The following RYR2 variants were observed in gnomAD, a reference collection of about 807,000 sequenced individuals.
RYR2 encodes cardiac muscle ryanodine receptor-calcium release channel.
A neutral mutation model predicts 601.1 loss-of-function variants in RYR2; 227 were observed. The observed-to-expected ratio is 0.38, with a 90% CI of 0.34 to 0.42. The LOEUF (loss-of-function observed/expected upper bound fraction) is 0.42. RYR2 is among the 10% of genes least tolerant of loss of function. The pLI, the probability that RYR2 is intolerant of heterozygous loss-of-function variation, is 1.00. For missense variants in RYR2, 4,646 were observed against 6,156.5 expected, an observed-to-expected ratio of 0.75 and a Z score of 8.21; for synonymous variants, 2,223 against 2,175.1, an observed-to-expected ratio of 1.02 and a Z score of -0.61.
At chr1:237,558,568 A>T (rs1671139249) in intron 27 of RYR2, among the ~76,000 whole-genome samples, 1 of 152,250 alleles carries the variant, frequency 6.6e-6, no homozygotes, top group East Asian at 1.9e-4. Flanking sequence ...GAACAGTTTG[A>T]TTATGATGTG....
intron 54 of RYR2, among the ~76,000 whole-genome samples, chr1:237,659,143 T>C (rs1683530587): frequency 6.6e-6 from 1 of 152,216 alleles, no homozygotes; most frequent in Non-Finnish European, 1.5e-5. Context: ...AAGATCATCA[T>C]GCTGGAGATG....
intron 1 of RYR2, among the ~76,000 whole-genome samples, chr1:237,133,563 TA>T (rs1335868722): frequency 6.6e-6 from 1 of 152,178 alleles, no homozygotes; most frequent in East Asian, 1.9e-4. Flanking sequence ...AGAAAACATA[TA>T]GATACTGTAT....
At chr1:237,684,409 A>G (rs1195103195) in intron 62 of RYR2, among the ~76,000 whole-genome samples, 1 of 152,134 alleles carries the variant, frequency 6.6e-6, no homozygotes, top group African/African-American at 2.4e-5. Context: ...GTGTCAGTGG[A>G]GACATCTACA....
chr1:237,540,515 T>C (rs918783885), intron 25 of RYR2, among the ~76,000 whole-genome samples: 2 of 152,040 alleles, frequency 1.3e-5, no homozygotes, highest in Non-Finnish European at 2.9e-5. Context: ...GAGACCAGCC[T>C]GGCCAACATG....
intron 1 of RYR2, among the ~76,000 whole-genome samples, chr1:237,226,204 G>T (rs371714779): frequency 6.9e-4 from 105 of 152,256 alleles, no homozygotes; most frequent in African/African-American, 2.4e-3. Context: ...TGGGAAAATT[G>T]CATGTTGTTA....
At chr1:237,056,147 C>T (rs981708237) in intron 1 of RYR2, among the ~76,000 whole-genome samples, 3 of 147,060 alleles carry the variant, frequency 2.0e-5, no homozygotes, top group African/African-American at 7.6e-5. Flanking sequence ...GAGCATCGCA[C>T]CTGTGAGGAC....
chr1:237,233,014 C>T (rs1269197154), intron 1 of RYR2, among the ~76,000 whole-genome samples: 1 of 152,168 alleles, frequency 6.6e-6, no homozygotes, highest in African/African-American at 2.4e-5. Context: ...GACTGCATCA[C>T]CCACGGGATG....
chr1:237,629,588 T>C (rs1371461148), intron 41 of RYR2, among the ~76,000 whole-genome samples: 2 of 151,702 alleles, frequency 1.3e-5, no homozygotes, highest in African/African-American at 4.8e-5. Context: ...AAAGAGGAGA[T>C]AATAAAGGTA....
At chr1:237,743,715 T>C in intron 80 of RYR2, 1 of 465,966 alleles carries the variant, frequency 2.1e-6, no homozygotes, top group Non-Finnish European at 4.3e-6. Context: ...TTGGATTCTT[T>C]TGTGAAAAGG....
intron 1 of RYR2, among the ~76,000 whole-genome samples, chr1:237,118,747 G>A (rs1179408636): frequency 6.6e-6 from 1 of 152,030 alleles, no homozygotes; most frequent in Non-Finnish European, 1.5e-5. Context: ...GGGACTACAG[G>A]CATGGACCAC....
In RYR2 at chr1:237,590,928, A is replaced by G. The variant is rs369982130; in HGVS notation, c.4096A>G (p.Thr1366Ala). The change falls in exon 31 of 105, where the codon ACT becomes GCT. Residue 1366 changes from threonine (T) to alanine (A), a missense_variant. Physicochemically the swap from Thr to Ala is moderately conservative, Grantham distance 58. Coordinates refer to ENST00000366574, the MANE Select transcript of RYR2 (RefSeq NM_001035.3). ...TCGTGTTGACAAAGACAAAGAAGCT[A>G]CTAAACCAGAGTTTAACAACCACAA... ...PDRVDKDKEATKPEFNNHKDY... is the reference protein window; with the variant it reads ...PDRVDKDKEAAKPEFNNHKDY... 1.7e-5 allele frequency: 27 copies of G among 1,613,824 alleles called. No individual in the cohort carries two copies. In the African/African-American group the frequency reaches 3.2e-4, roughly 19 times the overall value.
intron 29 of RYR2, among the ~76,000 whole-genome samples, chr1:237,572,842 A>G (rs538513866): frequency 2.0e-5 from 3 of 152,200 alleles, no homozygotes; most frequent in African/African-American, 7.2e-5. Context: ...TGGTACTGGA[A>G]TATCTCTTCC....
At chr1:237,054,871 C>A (rs2148178579) in intron 1 of RYR2, among the ~76,000 whole-genome samples, 1 of 152,190 alleles carries the variant, frequency 6.6e-6, no homozygotes, top group East Asian at 1.9e-4. Flanking sequence ...TGAGTGGGGG[C>A]CATGTGTTGT....
At chr1:237,671,140 A>G (rs910974547) in intron 58 of RYR2, among the ~76,000 whole-genome samples, 1 of 152,304 alleles carries the variant, frequency 6.6e-6, no homozygotes, top group Non-Finnish European at 1.5e-5. Flanking sequence ...CGCAGTCTTT[A>G]ATTCTCTTAC....
In RYR2 at chr1:237,535,023, C is replaced by T. The variant is rs1030540926; in HGVS notation, c.2906+4513C>T. Among the ~76,000 whole-genome samples, 5 of 151,688 alleles carry T rather than the reference C, an allele frequency of 3.3e-5. No homozygotes were observed. The South Asian group carries it at 1.0e-3, about 31-fold the overall frequency. ...TTGGCAAGTTCAATATATAATACCT[C>T]ATTATTAACTATATTAACCATGCTG... On this transcript the variant is annotated intron_variant, in intron 25 of 104. Transcript: ENST00000366574.
At chr1:237,605,451 C>G (rs1409003006) in intron 35 of RYR2, among the ~76,000 whole-genome samples, 3 of 152,258 alleles carry the variant, frequency 2.0e-5, no homozygotes, top group East Asian at 1.9e-4. Flanking sequence ...TTATGACAAA[C>G]CCACAGCCAA....
intron 2 of RYR2, among the ~76,000 whole-genome samples, chr1:237,306,270 A>T (rs908065612): frequency 6.6e-6 from 1 of 152,152 alleles, no homozygotes; most frequent in South Asian, 2.1e-4. Context: ...CAAAATGTAA[A>T]TTTTACTGTG....
At chr1:237,657,712 A>G (rs1014922787) in intron 53 of RYR2, among the ~76,000 whole-genome samples, 14 of 151,730 alleles carry the variant, frequency 9.2e-5, no homozygotes, top group Admixed American at 4.6e-4. Context: ...GTAATTTGTT[A>G]TGTTAGCACA....
At chr1:237,125,917 G>A (rs534107208) in intron 1 of RYR2, among the ~76,000 whole-genome samples, 149 of 152,304 alleles carry the variant, frequency 9.8e-4, no homozygotes, top group South Asian at 2.3e-3. Context: ...GAAAATATCC[G>A]TTTTTAAAGT....
Sources: allele counts gnomAD v4.1 joint callset (sites outside exome capture counted in the v4.1 genomes callset), GRCh38; gene constraint gnomAD v4.1.1; transcripts MANE v1.5; gene names NCBI Gene and HGNC (gene_info 2026-07-23, HGNC 2026-07-21).